The following XPR1 variants were observed in gnomAD, a reference collection of about 807,000 sequenced individuals.
XPR1 encodes the protein solute carrier family 53 member 1.
XPR1 carries 28 observed loss-of-function variants against 87.5 expected under a neutral mutation model. That is an observed-to-expected ratio of 0.32 (90% CI 0.24 to 0.44). The LOEUF (loss-of-function observed/expected upper bound fraction) is 0.44, where lower values mean the gene tolerates loss of function less well. XPR1 is among the 20% of genes least tolerant of loss of function. The pLI is 1.00. For missense variants in XPR1, 559 were observed against 862.3 expected, an observed-to-expected ratio of 0.65 and a Z score of 4.41; for synonymous variants, 300 against 306.1, an observed-to-expected ratio of 0.98 and a Z score of 0.21.
intron 2 of XPR1, among the ~76,000 whole-genome samples, chr1:180,757,536 G>A (rs912322455): frequency 6.8e-6 from 1 of 147,810 alleles, no homozygotes; most frequent in Non-Finnish European, 1.5e-5. Context: ...AAGAGTTAAG[G>A]TCTTGCTCTT....
chr1:180,802,136 C>A (rs932588815), intron 3 of XPR1, among the ~76,000 whole-genome samples: 2 of 151,890 alleles, frequency 1.3e-5, no homozygotes, highest in African/African-American at 4.8e-5. Flanking sequence ...TCTTTACAAC[C>A]ACTTTATGAG....
chr1:180,659,967 T>C (rs1052502116), intron 1 of XPR1, among the ~76,000 whole-genome samples: 2 of 152,208 alleles, frequency 1.3e-5, no homozygotes, highest in African/African-American at 4.8e-5. Context: ...AAACATCTGG[T>C]AGATTTCAGC....
intron 2 of XPR1, among the ~76,000 whole-genome samples, chr1:180,684,282 T>C (rs1017989816): frequency 5.9e-5 from 9 of 152,236 alleles, no homozygotes; most frequent in East Asian, 1.9e-4. Flanking sequence ...GTTGTAGATA[T>C]GCGGCATTAT....
chr1:180,643,063 G>C (rs528595243), intron 1 of XPR1, among the ~76,000 whole-genome samples: 1 of 151,992 alleles, frequency 6.6e-6, no homozygotes, highest in Admixed American at 6.6e-5. Flanking sequence ...AAGACTGAAG[G>C]GTGTGTAATA....
intron 3 of XPR1, among the ~76,000 whole-genome samples, chr1:180,795,289 A>G (rs1448012157): frequency 1.3e-5 from 2 of 152,202 alleles, no homozygotes; most frequent in Non-Finnish European, 2.9e-5. Flanking sequence ...TGAAAGCAAA[A>G]TATATTGCTA....
chr1:180,655,298 A>G (rs1300511028), intron 1 of XPR1, among the ~76,000 whole-genome samples: 7 of 151,476 alleles, frequency 4.6e-5, no homozygotes, highest in Admixed American at 6.6e-5. Context: ...GGAGTTCTCT[A>G]TCTATTCTGG....
At chr1:180,831,575 T>C (rs1235747144) in intron 9 of XPR1, among the ~76,000 whole-genome samples, 1 of 118,816 alleles carries the variant, frequency 8.4e-6, no homozygotes, top group African/African-American at 3.1e-5. Context: ...TGCCCCAGTG[T>C]GTGATGTTCC....
At chr1:180,681,105 A>G (rs1656562884) in intron 1 of XPR1, among the ~76,000 whole-genome samples, 1 of 152,212 alleles carries the variant, frequency 6.6e-6, no homozygotes, top group Admixed American at 6.5e-5. Context: ...TAAAGGATAT[A>G]GAATTACAGC....
intron 2 of XPR1, among the ~76,000 whole-genome samples, chr1:180,776,613 T>G (rs1035283470): frequency 4.6e-5 from 7 of 152,172 alleles, no homozygotes; most frequent in Non-Finnish European, 7.4e-5. Context: ...GCAAGATAGT[T>G]ATTCAAAATT....
At chr1:180,803,267 T>C (rs896691035) in intron 3 of XPR1, 121 bp from the exon 4 acceptor site, 2 of 898,850 alleles carry the variant, frequency 2.2e-6, no homozygotes, top group Non-Finnish European at 1.6e-6. Flanking sequence ...GTTCTAAATA[T>C]TACATGTAAC....
At chr1:180,636,060 A>C (rs193093863) in intron 1 of XPR1, among the ~76,000 whole-genome samples, 230 of 152,314 alleles carry the variant, frequency 1.5e-3, no homozygotes, top group Non-Finnish European at 2.5e-3. Flanking sequence ...CGATGAATTA[A>C]TTTTTTATTG....
intron 1 of XPR1, among the ~76,000 whole-genome samples, chr1:180,648,627 C>G (rs1655196188): frequency 6.6e-6 from 1 of 152,150 alleles, no homozygotes; most frequent in South Asian, 2.1e-4. Flanking sequence ...CTGCCTCAGC[C>G]TCCTGAGTAG....
At chr1:180,792,996 C>T (rs540820682) in intron 3 of XPR1, among the ~76,000 whole-genome samples, 14 of 151,984 alleles carry the variant, frequency 9.2e-5, no homozygotes, top group Admixed American at 3.3e-4. Context: ...TAGCTAAGTG[C>T]TTTTTCTTTG....
chr1:180,776,050 G>A (rs1465736085), intron 2 of XPR1, among the ~76,000 whole-genome samples: 3 of 152,122 alleles, frequency 2.0e-5, no homozygotes, highest in Non-Finnish European at 4.4e-5. Context: ...CCCAAACAAA[G>A]GAATTCTCTG....
intron 2 of XPR1, among the ~76,000 whole-genome samples, chr1:180,686,782 T>G (rs1291005549): frequency 6.6e-6 from 1 of 152,220 alleles, no homozygotes; most frequent in Non-Finnish European, 1.5e-5. Flanking sequence ...CAAAAGTTAA[T>G]GAAGTTATTT....
chr1:180,670,903 G>A (rs986063503), intron 1 of XPR1, among the ~76,000 whole-genome samples: 1 of 152,042 alleles, frequency 6.6e-6, no homozygotes, highest in Non-Finnish European at 1.5e-5. Context: ...TTCTCTTTTA[G>A]TACTTTGACT....
chr1:180,714,349 T>TTCTCTCTCTC lies in XPR1; in HGVS notation c.121+31982_121+31991dup, dbSNP rs71121047. On this transcript the variant is annotated intron_variant, in intron 2 of 14. Transcript: ENST00000367590. ...ATTTTTCTCTCATATTTTTTCCCTG[T>TTCTCTCTCTC]TCTCTCTCTCTCTCTCTCTCTCTCT... is the stretch of plus-strand genomic sequence containing the variant. 6.1e-3 allele frequency among the ~76,000 whole-genome samples: 440 copies of TTCTCTCTCTC among 72,092 alleles called. 7 individuals carry two copies. Among genetic ancestry groups the TTCTCTCTCTC allele is most frequent in the East Asian group, 0.013 (41 of 3,082 alleles). The allele number at this position is 72,092 out of a possible 152,430, so 47.3% of individuals were successfully genotyped here.
intron 11 of XPR1, among the ~76,000 whole-genome samples, chr1:180,847,129 A>G (rs139777177): frequency 1.6e-4 from 25 of 152,330 alleles, no homozygotes; most frequent in Admixed American, 8.5e-4. Context: ...AAGTCTACAC[A>G]ACACATTTCA....
At chr1:180,727,403 G>A (rs1658391450) in intron 2 of XPR1, among the ~76,000 whole-genome samples, 1 of 152,068 alleles carries the variant, frequency 6.6e-6, no homozygotes, top group Non-Finnish European at 1.5e-5. Flanking sequence ...CAGCACTTTG[G>A]GAGGCCGAGG....
Sources: gnomAD v4.1 joint callset for allele counts (sites outside exome capture counted in the v4.1 genomes callset) on GRCh38, gnomAD v4.1.1 for gene constraint, MANE v1.5 for transcripts, NCBI Gene and HGNC (gene_info 2026-07-23, HGNC 2026-07-21) for gene names.